SNCAIP: variants seen among roughly 807,000 people sequenced by gnomAD.
The protein encoded by SNCAIP is synuclein alpha interacting protein, also known as synphilin-1.
SNCAIP carries 43 observed loss-of-function variants against 86.7 expected under a neutral mutation model. The ratio of observed to expected loss-of-function variants is 0.50; its 90% CI spans 0.39 to 0.64. The LOEUF (loss-of-function observed/expected upper bound fraction) is 0.64, where lower values mean the gene tolerates loss of function less well. Ranked by LOEUF, SNCAIP falls within the 30% of genes least tolerant of loss-of-function variation. The pLI, the probability that SNCAIP is intolerant of heterozygous loss-of-function variation, is 0.00. For missense variants in SNCAIP, 981 were observed against 1,103.1 expected (o/e 0.89, Z 1.57); for synonymous variants, 417 against 427.2 (o/e 0.98, Z 0.29).
chr5:122,423,607 A>G lies in SNCAIP; in HGVS notation c.870A>G (p.Ala290=). 1 of 1,614,114 alleles carries G rather than the reference A, an allele frequency of 6.2e-7. No homozygotes were observed. The part of the protein sequence containing the change: ...LRAFHLQSSA[A]ESKPEEQVSG... ...CCTTCCACCTACAATCCTCAGCAGCAGAATCCAAACCAGAAGAGCAGGTCA... is the reference window on the plus strand; with the variant it reads ...CCTTCCACCTACAATCCTCAGCAGCGGAATCCAAACCAGAAGAGCAGGTCA... Residue 290 remains alanine (A), a synonymous_variant, in exon 4 of 11, where the codon GCA becomes GCG. Transcript: ENST00000261368.
chr5:122,345,752 A>C (rs1162297175), intron 1 of SNCAIP, among the ~76,000 whole-genome samples: 1 of 151,996 alleles, frequency 6.6e-6, no homozygotes, highest in African/African-American at 2.4e-5. Flanking sequence ...CCTTTAACTC[A>C]TGGGCTCAAG....
At chr5:122,390,058 T>A (rs1477457291) in intron 1 of SNCAIP, among the ~76,000 whole-genome samples, 1 of 152,176 alleles carries the variant, frequency 6.6e-6, no homozygotes, top group East Asian at 1.9e-4. Flanking sequence ...TAGATGTATT[T>A]TCACTTTCCA....
intron 1 of SNCAIP, among the ~76,000 whole-genome samples, chr5:122,332,586 A>G (rs1755597190): frequency 6.6e-6 from 1 of 152,272 alleles, no homozygotes; most frequent in African/African-American, 2.4e-5. Flanking sequence ...CCTGAATTAT[A>G]TGACAAGACC....
At chr5:122,383,172 G>A (rs534723648) in intron 1 of SNCAIP, among the ~76,000 whole-genome samples, 3 of 152,234 alleles carry the variant, frequency 2.0e-5, no homozygotes, top group South Asian at 2.1e-4. Flanking sequence ...ATCTCAGACT[G>A]CTGTGCTAGC....
chr5:122,351,962 C>T (rs567348972), intron 1 of SNCAIP, among the ~76,000 whole-genome samples: 3 of 152,230 alleles, frequency 2.0e-5, no homozygotes, highest in East Asian at 3.9e-4. Flanking sequence ...GGAGGCAGGC[C>T]ACATCTGGTT....
chr5:122,440,568 T>C (rs1780650038), intron 6 of SNCAIP, 61 bp from the exon 7 acceptor site: 2 of 1,527,038 alleles, frequency 1.3e-6, no homozygotes, highest in African/African-American at 2.7e-5. Context: ...TTTTCCTCTG[T>C]CTTTTTATCT....
intron 3 of SNCAIP, among the ~76,000 whole-genome samples, chr5:122,411,593 A>G (rs1774139189): frequency 6.6e-6 from 1 of 152,026 alleles, no homozygotes; most frequent in South Asian, 2.1e-4. Context: ...AAGTAAACAC[A>G]AGTAATAGAA....
intron 1 of SNCAIP, among the ~76,000 whole-genome samples, chr5:122,376,574 G>A (rs1251101035): frequency 6.6e-6 from 1 of 152,008 alleles, no homozygotes; most frequent in Non-Finnish European, 1.5e-5. Flanking sequence ...GACCTCATTA[G>A]GTCATAGTTT....
intron 1 of SNCAIP, among the ~76,000 whole-genome samples, chr5:122,355,835 G>T (rs1367424955): frequency 6.6e-6 from 1 of 152,012 alleles, no homozygotes; most frequent in Non-Finnish European, 1.5e-5. Context: ...GCCCCTGTTG[G>T]GCTTTTCTGC....
At chr5:122,389,666 T>C (rs551655526) in intron 1 of SNCAIP, 2 of 152,358 alleles carry the variant, frequency 1.3e-5, no homozygotes, top group South Asian at 4.1e-4. Flanking sequence ...AAGTTGGTTT[T>C]CTTTTCATTG....
chr5:122,390,963 T>A (rs2152839637), intron 1 of SNCAIP, 126 bp from the exon 2 acceptor site: 1 of 630,182 alleles, frequency 1.6e-6, no homozygotes, highest in East Asian at 2.8e-5. Context: ...AGGAAGGAAA[T>A]GTGCTCCAAG....
At chr5:122,453,535 C>G (rs1212526664) in intron 10 of SNCAIP, among the ~76,000 whole-genome samples, 2 of 152,132 alleles carry the variant, frequency 1.3e-5, no homozygotes, top group Non-Finnish European at 2.9e-5. Flanking sequence ...TGAGTGCCCT[C>G]TAATAAAACA....
chr5:122,431,053 A>G (rs904472433), intron 5 of SNCAIP, among the ~76,000 whole-genome samples: 1 of 152,148 alleles, frequency 6.6e-6, no homozygotes, highest in African/African-American at 2.4e-5. Context: ...GGGGATTGGA[A>G]AACAGTTGTG....
rs756418048 is a variant in SNCAIP, at chr5:122,432,064, C to T, written c.1278C>T (p.Tyr426=). The part of the protein sequence containing the change: ...CSKDFPSLIH[Y]AGCYGQEKIL... The stretch of plus-strand genomic sequence containing the variant: ...AGGATTTTCCAAGCCTTATTCATTA[C>T]GCAGGTTGCTATGGCCAGGTATGAA... The change falls in exon 6 of 11, where the codon TAC becomes TAT. Residue 426 remains tyrosine, a synonymous_variant. Transcript: ENST00000261368. The T allele has an allele frequency of 1.3e-5, 21 of 1,567,144 alleles. No homozygotes were observed. Among genetic ancestry groups the T allele is most frequent in the East Asian group, 2.2e-5 (1 of 44,616 alleles).
At chr5:122,338,092 T>C (rs1435262602) in intron 1 of SNCAIP, among the ~76,000 whole-genome samples, 1 of 152,240 alleles carries the variant, frequency 6.6e-6, no homozygotes, top group Non-Finnish European at 1.5e-5. Flanking sequence ...TTAAGTCTTT[T>C]CTCAAGCAAC....
At chr5:122,395,725 A>AG (rs1335099938) in intron 2 of SNCAIP, among the ~76,000 whole-genome samples, 1 of 152,046 alleles carries the variant, frequency 6.6e-6, no homozygotes, top group African/African-American at 2.4e-5. Context: ...ATGCTTCCCC[A>AG]GATTTTGTTA....
At chr5:122,385,726 G>A (rs1768000988) in intron 1 of SNCAIP, among the ~76,000 whole-genome samples, 2 of 151,842 alleles carry the variant, frequency 1.3e-5, no homozygotes, top group Non-Finnish European at 2.9e-5. Flanking sequence ...GGTGCAGGGA[G>A]CGGCTGTGTT....
At chr5:122,412,371 T>G (rs1375056723) in intron 3 of SNCAIP, among the ~76,000 whole-genome samples, 2 of 152,204 alleles carry the variant, frequency 1.3e-5, no homozygotes, top group Non-Finnish European at 2.9e-5. Flanking sequence ...GCTTCCATGC[T>G]GTCAAATGCA....
At chr5:122,417,277 G>A (rs1368541211) in intron 3 of SNCAIP, among the ~76,000 whole-genome samples, 1 of 152,122 alleles carries the variant, frequency 6.6e-6, no homozygotes, top group Admixed American at 6.5e-5. Flanking sequence ...AAATTTGTGA[G>A]GATCTGGTGA....
Sources: gnomAD v4.1 joint callset for allele counts (sites outside exome capture counted in the v4.1 genomes callset) on GRCh38, gnomAD v4.1.1 for gene constraint, MANE v1.5 for transcripts, NCBI Gene and HGNC (gene_info 2026-07-23, HGNC 2026-07-21) for gene names.